CACNG2: variants seen among roughly 807,000 people sequenced by gnomAD.
CACNG2 encodes calcium voltage-gated channel auxiliary subunit gamma 2.
CACNG2 carries 3 observed loss-of-function variants against 25.9 expected under a neutral mutation model. That is an observed-to-expected ratio of 0.12 (90% CI 0.05 to 0.30). The LOEUF (loss-of-function observed/expected upper bound fraction) is 0.30. CACNG2 is among the 10% of genes least tolerant of loss of function. The pLI is 1.00. For missense variants in CACNG2, 341 were observed against 432.5 expected, an observed-to-expected ratio of 0.79 and a Z score of 1.88; for synonymous variants, 167 against 173.3, an observed-to-expected ratio of 0.96 and a Z score of 0.29.
intron 2 of CACNG2, among the ~76,000 whole-genome samples, chr22:36,574,173 T>C (rs1311498548): frequency 2.6e-5 from 4 of 152,192 alleles, no homozygotes; most frequent in Non-Finnish European, 4.4e-5. Context: ...AGGGCTGTCA[T>C]GATCTGATTT....
Position 36,691,342 on chromosome 22 carries a change from C to T in CACNG2, c.211+11024G>A, listed in dbSNP as rs140713746. On this transcript the variant is annotated intron_variant, in intron 1 of 3. Coordinates refer to ENST00000300105, the MANE Select transcript of CACNG2 (RefSeq NM_006078.5). ...GGGAGTATCTGTATTCACTTCCGCA[C>T]CTTCACAAACTGCAAGGAGACTGAT... Among the ~76,000 whole-genome samples the T allele has an allele frequency of 3.9e-5, 6 of 152,220 alleles. No individual in the cohort carries two copies. The East Asian group carries it at 9.6e-4, about 24-fold the overall frequency.
At chr22:36,637,521 G>A (rs761584624) in intron 1 of CACNG2, among the ~76,000 whole-genome samples, 15 of 152,292 alleles carry the variant, frequency 9.8e-5, no homozygotes, top group Non-Finnish European at 1.5e-4. Flanking sequence ...TCGGGCTCTC[G>A]GTATCTGGAG....
At chr22:36,648,711 CA>C (rs1257241224) in intron 1 of CACNG2, among the ~76,000 whole-genome samples, 1 of 152,182 alleles carries the variant, frequency 6.6e-6, no homozygotes, top group East Asian at 1.9e-4. Context: ...TTTGCCATCT[CA>C]GTAAACGGCC....
intron 1 of CACNG2, among the ~76,000 whole-genome samples, chr22:36,650,093 C>T (rs1371719751): frequency 6.6e-6 from 1 of 152,158 alleles, no homozygotes; most frequent in African/African-American, 2.4e-5. Flanking sequence ...TGCTTCTGCA[C>T]TTGCCCTCTC....
At chr22:36,643,328 G>GTC (rs753233612) in intron 1 of CACNG2, among the ~76,000 whole-genome samples, 1 of 141,296 alleles carries the variant, frequency 7.1e-6, no homozygotes, top group Non-Finnish European at 1.5e-5. Context: ...CTCTTTCTCT[G>GTC]TCTCTCTCTC....
intron 1 of CACNG2, among the ~76,000 whole-genome samples, chr22:36,629,189 A>T (rs998058651): frequency 6.6e-6 from 1 of 152,238 alleles, no homozygotes; most frequent in Admixed American, 6.5e-5. Context: ...GGTAAGACGG[A>T]TCTGATTTTA....
intron 1 of CACNG2, among the ~76,000 whole-genome samples, chr22:36,659,713 C>A (rs762588371): frequency 4.0e-4 from 61 of 152,130 alleles, no homozygotes; most frequent in Admixed American, 2.1e-3. Context: ...TGCTGATGTA[C>A]TGAGATAGGC....
At chr22:36,571,381 C>T (rs1204881183) in intron 2 of CACNG2, among the ~76,000 whole-genome samples, 3 of 151,910 alleles carry the variant, frequency 2.0e-5, no homozygotes, top group Non-Finnish European at 2.9e-5. Flanking sequence ...CGCTTGAACC[C>T]GGGAGGCAGA....
intron 1 of CACNG2, among the ~76,000 whole-genome samples, chr22:36,615,055 A>G (rs1464319008): frequency 6.6e-6 from 1 of 152,162 alleles, no homozygotes; most frequent in African/African-American, 2.4e-5. Flanking sequence ...TGGAGAACGG[A>G]CTATGTGTAT....
rs868776473 is a variant in CACNG2, at chr22:36,698,217, G to T, written c.211+4149C>A. Among the ~76,000 whole-genome samples the T allele has an allele frequency of 3.3e-4, 50 of 151,852 alleles. 1 individual carries two copies. Among genetic ancestry groups the T allele is most frequent in the South Asian group, 1.2e-3 (6 of 4,802 alleles). On this transcript the variant is annotated intron_variant, in intron 1 of 3. Transcript: ENST00000300105. ...CTCTTTCTCTCTCTCTCGATCACTT[G>T]GTTGTCACATATCCTCATGATGTTT...
At chr22:36,665,280 C>T (rs1272978293) in intron 1 of CACNG2, among the ~76,000 whole-genome samples, 1 of 152,204 alleles carries the variant, frequency 6.6e-6, no homozygotes, top group African/African-American at 2.4e-5. Flanking sequence ...TGCTCTGTTC[C>T]TTCCTATGTT....
intron 1 of CACNG2, among the ~76,000 whole-genome samples, chr22:36,668,562 C>T (rs112387799): frequency 6.6e-6 from 1 of 151,798 alleles, no homozygotes; most frequent in Non-Finnish European, 1.5e-5. Context: ...AATCACCACT[C>T]ATTGCAGCTT....
intron 1 of CACNG2, among the ~76,000 whole-genome samples, chr22:36,646,802 G>A (rs1936531497): frequency 6.6e-6 from 1 of 151,488 alleles, no homozygotes; most frequent in African/African-American, 2.4e-5. Context: ...TCTCCTCTGG[G>A]CTCCCATAGT....
intron 2 of CACNG2, among the ~76,000 whole-genome samples, chr22:36,579,046 C>T (rs1935370751): frequency 6.6e-6 from 1 of 152,166 alleles, no homozygotes; most frequent in Admixed American, 6.5e-5. Context: ...CCCCATCTGC[C>T]AGCCAGAACT....
intron 2 of CACNG2, among the ~76,000 whole-genome samples, chr22:36,569,374 C>T (rs571914995): frequency 2.6e-5 from 4 of 152,272 alleles, no homozygotes; most frequent in Admixed American, 1.3e-4. Context: ...CCTGTAGTCT[C>T]CCTATGTGGC....
chr22:36,621,096 T>G lies in CACNG2; in HGVS notation c.212-33548A>C, dbSNP rs560907656. On this transcript the variant is annotated intron_variant, in intron 1 of 3. Coordinates refer to ENST00000300105, the MANE Select transcript of CACNG2 (RefSeq NM_006078.5). ...TTGCTTTTGGATTAAACTTGCTGCCTGGATGAATGTCTAATGGATCTCTTA... is the reference window on the plus strand; with the variant it reads ...TTGCTTTTGGATTAAACTTGCTGCCGGGATGAATGTCTAATGGATCTCTTA... Among the ~76,000 whole-genome samples, 9 of 152,372 alleles carry G rather than the reference T, an allele frequency of 5.9e-5. No individual in the cohort carries two copies. The South Asian group carries it at 1.7e-3, about 28-fold the overall frequency.
intron 1 of CACNG2, among the ~76,000 whole-genome samples, chr22:36,674,842 G>A (rs570998436): frequency 2.3e-4 from 35 of 152,258 alleles, no homozygotes; most frequent in Non-Finnish European, 4.1e-4. Context: ...CTAATTGGCC[G>A]TGTCCTTGAG....
chr22:36,565,678 T>C (rs544216622), intron 3 of CACNG2, among the ~76,000 whole-genome samples: 2 of 152,278 alleles, frequency 1.3e-5, no homozygotes, highest in Admixed American at 1.3e-4. Flanking sequence ...GACGCGGTCT[T>C]GAGGCCTCGC....
intron 2 of CACNG2, among the ~76,000 whole-genome samples, chr22:36,583,623 A>G (rs897851171): frequency 6.6e-6 from 1 of 151,986 alleles, no homozygotes; most frequent in Non-Finnish European, 1.5e-5. Context: ...TCCCTGCCCC[A>G]TGGCCCATGC....
Sources: allele counts gnomAD v4.1 joint callset (sites outside exome capture counted in the v4.1 genomes callset), GRCh38; gene constraint gnomAD v4.1.1; transcripts MANE v1.5; gene names NCBI Gene and HGNC (gene_info 2026-07-23, HGNC 2026-07-21).